The following RBP3 variants were observed in gnomAD, a reference collection of about 807,000 sequenced individuals.
RBP3 encodes the protein retinol binding protein 3.
RBP3 carries 50 observed loss-of-function variants against 64.8 expected under a neutral mutation model. That is an observed-to-expected ratio of 0.77 (90% confidence interval 0.61 to 0.98). The LOEUF (loss-of-function observed/expected upper bound fraction) is 0.98, where lower values mean the gene tolerates loss of function less well. Ranked by LOEUF, RBP3 falls within the 50% of genes least tolerant of loss-of-function variation. RBP3 has a pLI of 0.00. For synonymous variants in RBP3, 828 were observed against 730.2 expected (o/e 1.13, Z -2.16); for missense variants, 1,712 against 1,660.5 (o/e 1.03, Z -0.54).
In RBP3 at chr10:47,351,387, T is replaced by G; in HGVS notation, c.2903T>G (p.Leu968Arg). The G allele has an allele frequency of 2.5e-6, 4 of 1,613,580 alleles. No homozygotes were observed. The highest frequency in any genetic ancestry group is 3.4e-6 in the Non-Finnish European group (4 of 1,180,026). Reference protein sequence around the residue: ...GAKMATKLSGLQSRYSRVTSE... With the variant: ...GAKMATKLSGRQSRYSRVTSE... The stretch of plus-strand genomic sequence containing the variant: ...AAGATGGCCACCAAACTGAGCGGTC[T>G]GCAGAGCCGCTACTCCAGGGTGACC... The change falls in exon 1 of 4, where the codon CTG becomes CGG. Residue 968 changes from leucine to arginine, a missense_variant. By Grantham distance (102) the Leu-to-Arg change is moderately radical. Transcript: ENST00000584701.
At chr10:47,352,535 A>AGAGGG (rs1836991310) in intron 1 of RBP3, among the ~76,000 whole-genome samples, 1 of 152,220 alleles carries the variant, frequency 6.6e-6, no homozygotes, top group Admixed American at 6.5e-5. Context: ...GGAGAGGAGC[A>AGAGGG]GAGGGGAGTG....
In RBP3 at chr10:47,349,748, C is replaced by A; in HGVS notation, c.1264C>A (p.Arg422=). The change falls in exon 1 of 4, where the codon CGG becomes AGG. Residue 422 remains arginine (R), a synonymous_variant. Transcript: ENST00000584701. ...APELPEDEAI[R]QALVDSVFQV... is the part of the protein sequence containing the mutation. ...AGAGTTGCCTGAGGACGAGGCTATC[C>A]GGCAAGCACTGGTGGACTCTGTGTT... is the stretch of plus-strand genomic sequence containing the variant. The A allele has an allele frequency of 6.2e-7, 1 of 1,612,832 alleles. No homozygotes were observed. Among genetic ancestry groups the A allele is most frequent in the Non-Finnish European group, 8.5e-7 (1 of 1,180,028 alleles).
rs1555211912 is a variant in RBP3, at chr10:47,355,403, C to T, written c.3273C>T (p.Ser1091=). 7.4e-6 allele frequency: 12 copies of T among 1,614,134 alleles called. No homozygotes were observed. The highest frequency in any genetic ancestry group is 1.0e-5 in the Non-Finnish European group (12 of 1,180,038). Residue 1091 remains serine (S), a synonymous_variant, in exon 3 of 4, where the codon TCC becomes TCT. Coordinates refer to ENST00000584701, the MANE Select transcript of RBP3 (RefSeq NM_002900.3). ...MRFNIGGPTS[S]IPILCSYFFD... is the part of the protein sequence containing the mutation. ...TCAACATCGGTGGCCCCACATCCTC[C>T]ATTCCCATCTTGTGCTCCTACTTCT...
rs782813762 is a variant in RBP3, at chr10:47,350,833, C to T, written c.2349C>T (p.Arg783=). The T allele has an allele frequency of 3.7e-6, 6 of 1,613,098 alleles. No individual in the cohort carries two copies. Among genetic ancestry groups the T allele is most frequent in the African/African-American group, 1.3e-5 (1 of 75,062 alleles). ...CGGCTGCGCTGGTGATCGACCTGCGCTACAACCCTGGCAGCTACTCCACGG... is the reference window on the plus strand; with the variant it reads ...CGGCTGCGCTGGTGATCGACCTGCGTTACAACCCTGGCAGCTACTCCACGG... ...VDTAALVIDL[R]YNPGSYSTAI... is the part of the protein sequence containing the mutation. The change falls in exon 1 of 4, where the codon CGC becomes CGT. Residue 783 remains arginine (R), a synonymous_variant. Transcript: ENST00000584701.
intron 1 of RBP3, 121 bp from the exon 2 acceptor site, chr10:47,353,204 A>C (rs1837001007): frequency 1.1e-6 from 1 of 900,006 alleles, no homozygotes. Context: ...GGTGTCTACT[A>C]ATTCCTTCAG....
chr10:47,349,663 A>G lies in RBP3; in HGVS notation c.1179A>G (p.Thr393=), dbSNP rs148615170. Residue 393 remains threonine (T), a synonymous_variant, in exon 1 of 4, where the codon ACA becomes ACG. Transcript: ENST00000584701. ...PRLLVRAIGP[T]ETPSWPAPDA... Reference sequence around the variant, plus strand: ...TCCTGGTGCGAGCCATCGGGCCCACAGAAACTCCTTCTTGGCCCGCGCCCG... The same window carrying G: ...TCCTGGTGCGAGCCATCGGGCCCACGGAAACTCCTTCTTGGCCCGCGCCCG... 4.3e-4 allele frequency: 690 copies of G among 1,612,066 alleles called. 1 individual carries two copies. The highest frequency in any genetic ancestry group is 5.4e-4 in the Non-Finnish European group (634 of 1,180,020).
rs782527628 is a variant in RBP3, at chr10:47,350,824, C to T, written c.2340C>T (p.Ile780=). The stretch of plus-strand genomic sequence containing the variant: ...TGGTGGACACGGCTGCGCTGGTGAT[C>T]GACCTGCGCTACAACCCTGGCAGCT... ...QQLVDTAALV[I]DLRYNPGSYS... The change falls in exon 1 of 4, where the codon ATC becomes ATT. Residue 780 remains isoleucine (I), a synonymous_variant. Coordinates refer to ENST00000584701, the MANE Select transcript of RBP3 (RefSeq NM_002900.3). 27 of 1,612,902 alleles carry T rather than the reference C, an allele frequency of 1.7e-5. No individual in the cohort carries two copies. The East Asian group carries it at 4.2e-4, about 25-fold the overall frequency.
chr10:47,349,859 T>C lies in RBP3; in HGVS notation c.1375T>C (p.Tyr459His). 1.2e-6 allele frequency: 2 copies of C among 1,613,118 alleles called. No homozygotes were observed. The highest frequency in any genetic ancestry group is 8.5e-7 in the Non-Finnish European group (1 of 1,179,992). Residue 459 changes from tyrosine (Y) to histidine (H), a missense_variant, in exon 1 of 4, where the codon TAT becomes CAT. Coordinates refer to ENST00000584701, the MANE Select transcript of RBP3 (RefSeq NM_002900.3). The stretch of plus-strand genomic sequence containing the variant: ...CTCCGTCCTGGGTGTGTTGGCCCCA[T>C]ATGTCCTGCGCCAGGTGTGGGAGCC... ...DASVLGVLAP[Y>H]VLRQVWEPLQ...
chr10:47,355,663 G>C (rs1017679769), intron 3 of RBP3, 145 bp downstream of exon 3: 16 of 1,051,938 alleles, frequency 1.5e-5, no homozygotes, highest in Non-Finnish European at 2.1e-5. Flanking sequence ...GCATGATCTC[G>C]AATCCCTGAA....
At position 47,348,974 on chromosome 10, in the gene RBP3, G is replaced by T. The variant is rs146287986; in HGVS notation, c.490G>T (p.Ala164Ser). ...HVWGNLMGTSALVLDLRHCTG... is the reference protein window; with the variant it reads ...HVWGNLMGTSSLVLDLRHCTG... Reference sequence around the variant, plus strand: ...GTGGGGGAATCTCATGGGCACCTCCGCCTTAGTGCTGGATCTCCGGCACTG... The same window carrying T: ...GTGGGGGAATCTCATGGGCACCTCCTCCTTAGTGCTGGATCTCCGGCACTG... Residue 164 changes from alanine (A) to serine (S), a missense_variant, in exon 1 of 4, where the codon GCC becomes TCC. Transcript: ENST00000584701. 588 of 1,613,896 alleles carry T rather than the reference G, an allele frequency of 3.6e-4. 8 individuals are homozygous for T. In the South Asian group the frequency reaches 6.0e-3, roughly 16 times the overall value.
Position 47,355,445 on chromosome 10 carries a change from A to G in RBP3, c.3315A>G (p.Pro1105=), listed in dbSNP as rs1837033173. 1 of 1,614,076 alleles carries G rather than the reference A, an allele frequency of 6.2e-7. No homozygotes were observed. The highest frequency in any genetic ancestry group is 1.3e-5 in the African/African-American group (1 of 74,920). Residue 1105 remains proline, a synonymous_variant, in exon 3 of 4, where the codon CCA becomes CCG. Coordinates refer to ENST00000584701, the MANE Select transcript of RBP3 (RefSeq NM_002900.3). ...CCTACTTCTTTGATGAAGGCCCTCC[A>G]GTTCTGCTGGACAAGATCTACAGCC... ...LCSYFFDEGP[P]VLLDKIYSRP...
Position 47,353,356 on chromosome 10 carries a change from T to C in RBP3, c.3086T>C (p.Ile1029Thr). ...TCCCCTGAAGTATTTGAAGAGCTGA[T>C]CAAGTTTTCCTTCCACACTAACGTG... is the stretch of plus-strand genomic sequence containing the variant. ...IPSPEVFEEL[I>T]KFSFHTNVLE... The change falls in exon 2 of 4, where the codon ATC (isoleucine) becomes ACC (threonine). Residue 1029 changes from isoleucine to threonine, a missense_variant. Physicochemically the swap from Ile to Thr is moderately conservative, Grantham distance 89. Transcript: ENST00000584701. 6.2e-7 allele frequency: 1 copy of C among 1,614,084 alleles called. No homozygotes were observed. Among genetic ancestry groups the C allele is most frequent in the Non-Finnish European group, 8.5e-7 (1 of 1,180,028 alleles).
chr10:47,355,759 A>C lies in RBP3; in HGVS notation c.3388+241A>C, dbSNP rs1837038701. On this transcript the variant is annotated intron_variant, in intron 3 of 3. Coordinates refer to ENST00000584701, the MANE Select transcript of RBP3 (RefSeq NM_002900.3). ...ATATCTTTTCTAGGGTCATGCAGCT[A>C]ATAAGTGAAACCCAAAATGTGAATA... Among the ~76,000 whole-genome samples the C allele has an allele frequency of 2.0e-5, 3 of 152,328 alleles. 1 individual carries two copies. Among genetic ancestry groups the C allele is most frequent in the South Asian group, 4.1e-4 (2 of 4,828 alleles).
rs1555211119 is a variant in RBP3 at position 47,349,534 on chromosome 10, G to A, written c.1050G>A (p.Leu350=). 5.6e-6 allele frequency: 9 copies of A among 1,613,034 alleles called. No homozygotes were observed. In the South Asian group the frequency reaches 7.7e-5, roughly 14 times the overall value. The change falls in exon 1 of 4, where the codon CTG becomes CTA. Residue 350 remains leucine (L), a synonymous_variant. Transcript: ENST00000584701. ...CGCTGGTGGACCGTGTGCCCACCCT[G>A]CTGCAGCACTTGGCCAGCATGGACT... ...YYTLVDRVPT[L]LQHLASMDFS...
At position 47,349,844 on chromosome 10, in the gene RBP3, G is replaced by A. The variant is rs782705284; in HGVS notation, c.1360G>A (p.Gly454Ser). The change falls in exon 1 of 4, where the codon GGT becomes AGT. Residue 454 changes from glycine (G) to serine (S), a missense_variant. Coordinates refer to ENST00000584701, the MANE Select transcript of RBP3 (RefSeq NM_002900.3). ...FDSFADASVL[G>S]VLAPYVLRQV... ...TAGTTTTGCTGACGCCTCCGTCCTG[G>A]GTGTGTTGGCCCCATATGTCCTGCG... The A allele has an allele frequency of 5.0e-6, 8 of 1,613,054 alleles. No homozygotes were observed. In the Middle Eastern group the frequency reaches 4.9e-4, roughly 99 times the overall value.
At chr10:47,353,234 A>T in intron 1 of RBP3, 91 bp from the exon 2 acceptor site, 1 of 1,177,176 alleles carries the variant, frequency 8.5e-7, no homozygotes, top group Non-Finnish European at 1.3e-6. Context: ...TTCCTGTCCC[A>T]TGCCCTTAAT....
chr10:47,354,704 G>C (rs971371751), intron 2 of RBP3, among the ~76,000 whole-genome samples: 7 of 152,176 alleles, frequency 4.6e-5, no homozygotes, highest in African/African-American at 1.7e-4. Context: ...AGGTTTGTTT[G>C]GAGGTTCAGA....
At position 47,350,002 on chromosome 10, in the gene RBP3, C is replaced by T; in HGVS notation, c.1518C>T (p.Leu506=). 3 of 1,613,132 alleles carry T rather than the reference C, an allele frequency of 1.9e-6. No homozygotes were observed. The highest frequency in any genetic ancestry group is 2.5e-6 in the Non-Finnish European group (3 of 1,179,968). Residue 506 remains leucine, a synonymous_variant, in exon 1 of 4, where the codon CTC becomes CTT. Transcript: ENST00000584701. The part of the protein sequence containing the change: ...FQGPEAGPVH[L]FTTYDRRTNI... ...GCCCTGAGGCCGGCCCCGTGCACCT[C>T]TTCACCACCTATGATCGCCGCACCA...
At chr10:47,353,567 G>C (rs1264076959) in intron 2 of RBP3, 52 bp downstream of exon 2, 1 of 1,600,416 alleles carries the variant, frequency 6.2e-7, no homozygotes, top group Non-Finnish European at 8.5e-7. Context: ...GCTGCCAGGG[G>C]ACAGTCAAAG....
Sources: allele counts gnomAD v4.1 joint callset (sites outside exome capture counted in the v4.1 genomes callset), GRCh38; gene constraint gnomAD v4.1.1; transcripts MANE v1.5; gene names NCBI Gene and HGNC (gene_info 2026-07-23, HGNC 2026-07-21).